The following TMEM132B variants were observed in gnomAD, a reference collection of about 807,000 sequenced individuals.
TMEM132B encodes the protein transmembrane protein 132B.
Under a neutral mutation model 90.8 loss-of-function variants are expected in TMEM132B, and 18 were observed. The observed-to-expected ratio is 0.20, with a 90% CI of 0.14 to 0.29. TMEM132B has a LOEUF of 0.29. TMEM132B is among the 10% of genes least tolerant of loss of function. The pLI, the probability that TMEM132B is intolerant of heterozygous loss-of-function variation, is 1.00. For synonymous variants in TMEM132B, 504 were observed against 523.3 expected, an observed-to-expected ratio of 0.96 and a Z score of 0.50; for missense variants, 1,096 against 1,326.8, an observed-to-expected ratio of 0.83 and a Z score of 2.70.
Position 125,209,647 on chromosome 12 carries a change from C to A in TMEM132B, c.67+22781C>A, listed in dbSNP as rs781505898. ...GGCCATTGGCCCAGATCACAGGCAC[C>A]TCTTTGGCAGATGTGGAGTCTGAGT... is the stretch of plus-strand genomic sequence containing the variant. On this transcript the variant is annotated intron_variant, in intron 1 of 8. Transcript: ENST00000682704. This position sits in a 1 kb window ranked among gnomAD's most constrained non-coding sequence, Gnocchi z 4.4. Among the ~76,000 whole-genome samples, 18 of 152,234 alleles carry A rather than the reference C, an allele frequency of 1.2e-4. No homozygotes were observed. Among genetic ancestry groups the A allele is most frequent in the Admixed American group, 2.0e-4 (3 of 15,284 alleles).
intron 3 of TMEM132B, among the ~76,000 whole-genome samples, chr12:125,491,552 T>C (rs1882350431): frequency 6.6e-6 from 1 of 152,222 alleles, no homozygotes; most frequent in Admixed American, 6.5e-5. Flanking sequence ...CTGTGTGCCA[T>C]TGGCATATTC....
chr12:125,229,424 A>G (rs1044821486), intron 1 of TMEM132B, among the ~76,000 whole-genome samples: 19 of 152,132 alleles, frequency 1.2e-4, no homozygotes, highest in Non-Finnish European at 2.4e-4. Context: ...TTCCTCTTCC[A>G]TTACCTGCCT....
At chr12:125,409,165 G>A (rs1037381694) in intron 2 of TMEM132B, among the ~76,000 whole-genome samples, 2 of 152,112 alleles carry the variant, frequency 1.3e-5, no homozygotes, top group Non-Finnish European at 2.9e-5. Flanking sequence ...GGGCACTTTT[G>A]CAGCTTGAAA....
intron 5 of TMEM132B, among the ~76,000 whole-genome samples, chr12:125,640,636 G>A (rs1374855063): frequency 6.6e-6 from 1 of 151,998 alleles, no homozygotes; most frequent in Admixed American, 6.6e-5. Flanking sequence ...GGTGATCCAA[G>A]CAGAGGAGAC....
chr12:125,342,587 C>T (rs992454990), intron 1 of TMEM132B, among the ~76,000 whole-genome samples: 6 of 152,212 alleles, frequency 3.9e-5, no homozygotes, highest in Non-Finnish European at 8.8e-5. Context: ...CAGGAACTAT[C>T]TGCTTCTTCC....
At chr12:125,432,250 C>T (rs11612867) in intron 3 of TMEM132B, among the ~76,000 whole-genome samples, 2,071 of 150,944 alleles carry the variant, frequency 0.014, 22 homozygotes, top group Non-Finnish European at 0.022. Flanking sequence ...GTGCATCTAT[C>T]GTTTTATTTT....
chr12:125,590,413 G>A (rs1885289621), intron 5 of TMEM132B, among the ~76,000 whole-genome samples: 1 of 152,210 alleles, frequency 6.6e-6, no homozygotes, highest in Non-Finnish European at 1.5e-5. Flanking sequence ...GAATGCTAGA[G>A]CTTCCCAGAG....
At chr12:125,197,649 G>A (rs1029631543) in intron 1 of TMEM132B, among the ~76,000 whole-genome samples, 5 of 152,180 alleles carry the variant, frequency 3.3e-5, no homozygotes. Flanking sequence ...TAAATAACCT[G>A]TCTGCTCTCT....
chr12:125,286,033 A>G (rs1875345058), intron 1 of TMEM132B, among the ~76,000 whole-genome samples: 1 of 152,210 alleles, frequency 6.6e-6, no homozygotes, highest in African/African-American at 2.4e-5. Flanking sequence ...TCAATTCCCC[A>G]TTAACTCGAA....
chr12:125,517,326 G>GGTT (rs1566060662), intron 3 of TMEM132B, among the ~76,000 whole-genome samples: 2 of 88,024 alleles, frequency 2.3e-5, no homozygotes, highest in South Asian at 4.0e-4. Context: ...ATGCCCTGCT[G>GGTT]ATTTTTTTTT....
At chr12:125,629,646 A>G (rs73418407) in intron 5 of TMEM132B, among the ~76,000 whole-genome samples, 2,827 of 151,976 alleles carry the variant, frequency 0.019, 84 homozygotes, top group African/African-American at 0.064. Context: ...TCCTTGTCTG[A>G]TTGCTTTAGC....
Position 125,302,127 on chromosome 12 carries a change from G to A in TMEM132B, c.68-47325G>A, listed in dbSNP as rs147960671. On this transcript the variant is annotated intron_variant, in intron 1 of 8. Transcript: ENST00000682704. The stretch of plus-strand genomic sequence containing the variant: ...AGGCAAGAGAATTGCTTGAACCTGG[G>A]AGGCGGAGGTTGCAGTGAGCTGAGA... 5.3e-3 allele frequency among the ~76,000 whole-genome samples: 801 copies of A among 152,246 alleles called. 12 individuals carry two copies. Among genetic ancestry groups the A allele is most frequent in the Non-Finnish European group, 5.2e-3 (356 of 68,018 alleles).
At chr12:125,429,929 A>T (rs2136396506) in intron 3 of TMEM132B, among the ~76,000 whole-genome samples, 1 of 152,232 alleles carries the variant, frequency 6.6e-6, no homozygotes, top group Middle Eastern at 3.4e-3. Context: ...CCCACGCTGA[A>T]GGGGTGGGGA....
chr12:125,395,838 T>G (rs572013469), intron 2 of TMEM132B, among the ~76,000 whole-genome samples: 51 of 152,318 alleles, frequency 3.3e-4, no homozygotes, highest in African/African-American at 1.1e-3. Context: ...TGCATTTCTC[T>G]GATGGTTTTA....
chr12:125,634,232 G>T (rs1566095788), intron 5 of TMEM132B, among the ~76,000 whole-genome samples: 1 of 152,136 alleles, frequency 6.6e-6, no homozygotes. Flanking sequence ...ACAGAGTACT[G>T]CCAGACTACT....
At chr12:125,645,011 A>T (rs186519591) in intron 6 of TMEM132B, among the ~76,000 whole-genome samples, 57 of 152,018 alleles carry the variant, frequency 3.7e-4, no homozygotes, top group African/African-American at 1.3e-3. Flanking sequence ...AGGTCTGGAG[A>T]TCGACACCAT....
intron 1 of TMEM132B, among the ~76,000 whole-genome samples, chr12:125,292,161 G>A (rs946535260): frequency 3.3e-5 from 5 of 152,180 alleles, no homozygotes; most frequent in Non-Finnish European, 7.3e-5. Flanking sequence ...CAAGCAGGTA[G>A]TGACTTCAGA....
At chr12:125,453,417 C>A in intron 3 of TMEM132B, among the ~76,000 whole-genome samples, 1 of 152,068 alleles carries the variant, frequency 6.6e-6, no homozygotes, top group East Asian at 1.9e-4. Context: ...TCTCTTTGGG[C>A]CTTACTTTTG....
At chr12:125,562,835 A>C (rs1462791719) in intron 4 of TMEM132B, among the ~76,000 whole-genome samples, 1 of 152,078 alleles carries the variant, frequency 6.6e-6, no homozygotes, top group African/African-American at 2.4e-5. Context: ...CACGGTGGTG[A>C]GGTCTCTCCA....
Sources: allele counts gnomAD v4.1 joint callset (sites outside exome capture counted in the v4.1 genomes callset), GRCh38; gene constraint gnomAD v4.1.1; non-coding constraint Gnocchi (gnomAD v3.1); transcripts MANE v1.5; gene names NCBI Gene and HGNC (gene_info 2026-07-23, HGNC 2026-07-21).